The following GALNT13 variants were observed in gnomAD, a reference collection of about 807,000 sequenced individuals.
The protein encoded by GALNT13 is UDP-GalNAc:polypeptide N-acetylgalactosaminyltransferase 13.
In GALNT13, 28 loss-of-function variants were observed where a neutral mutation model predicts 64.2. The ratio of observed to expected loss-of-function variants is 0.44; its 90% CI spans 0.32 to 0.60. GALNT13 has a LOEUF of 0.60. GALNT13 is among the 20% of genes least tolerant of loss of function. The pLI is 0.05. For missense variants in GALNT13, 577 were observed against 669.8 expected, an observed-to-expected ratio of 0.86 and a Z score of 1.53; for synonymous variants, 214 against 224.6, an observed-to-expected ratio of 0.95 and a Z score of 0.42.
the GALNT13 span, among the ~76,000 whole-genome samples, chr2:153,628,963 A>ATCTG: frequency 6.6e-6 from 1 of 152,070 alleles, no homozygotes; most frequent in Non-Finnish European, 1.5e-5. Context: ...TCAGCTGTGA[A>ATCTG]TCTGTCTGGT....
chr2:153,890,819 G>C (rs917467346), intron 1 of GALNT13, among the ~76,000 whole-genome samples: 1 of 151,996 alleles, frequency 6.6e-6, no homozygotes, highest in Admixed American at 6.6e-5. Flanking sequence ...GTTTAGAGCT[G>C]TTAAACCTGA....
the GALNT13 span, among the ~76,000 whole-genome samples, chr2:153,176,624 CTCTG>C: frequency 4.0e-5 from 6 of 151,698 alleles, no homozygotes; most frequent in African/African-American, 7.3e-5. Flanking sequence ...AATATCTTCT[CTCTG>C]TCTAATTATC....
chr2:153,581,545 G>T, the GALNT13 span, among the ~76,000 whole-genome samples: 4 of 152,100 alleles, frequency 2.6e-5, no homozygotes, highest in African/African-American at 9.6e-5. Flanking sequence ...CTATGTGTGT[G>T]TATATATGTG....
intron 3 of GALNT13, among the ~76,000 whole-genome samples, chr2:154,033,711 G>A (rs186147022): frequency 1.2e-3 from 181 of 152,148 alleles, no homozygotes; most frequent in African/African-American, 4.1e-3. Context: ...ATGCTGAGGC[G>A]GTTGGATCAT....
At chr2:153,129,223 G>T in the GALNT13 span, among the ~76,000 whole-genome samples, 7 of 152,080 alleles carry the variant, frequency 4.6e-5, no homozygotes, top group South Asian at 4.1e-4. Flanking sequence ...ATGCAATCTG[G>T]TCTTGCTCGA....
At chr2:153,281,546 C>A in the GALNT13 span, among the ~76,000 whole-genome samples, 1 of 152,076 alleles carries the variant, frequency 6.6e-6, no homozygotes, top group Non-Finnish European at 1.5e-5. Flanking sequence ...GTTTAGAATT[C>A]TCTTAAGCTG....
the GALNT13 span, among the ~76,000 whole-genome samples, chr2:153,600,258 T>A: frequency 6.6e-6 from 1 of 152,012 alleles, no homozygotes; most frequent in African/African-American, 2.4e-5. Flanking sequence ...ATTTCTTATT[T>A]CATGCTATCC....
chr2:153,426,078 T>C, the GALNT13 span, among the ~76,000 whole-genome samples: 2 of 151,824 alleles, frequency 1.3e-5, no homozygotes, highest in African/African-American at 4.8e-5. Context: ...TGATTTAATA[T>C]TGATAGTGAG....
At chr2:153,152,756 G>A in the GALNT13 span, among the ~76,000 whole-genome samples, 1 of 152,096 alleles carries the variant, frequency 6.6e-6, no homozygotes, top group Non-Finnish European at 1.5e-5. Flanking sequence ...TTTTATGGCT[G>A]CATAGTATTC....
the GALNT13 span, among the ~76,000 whole-genome samples, chr2:153,706,526 G>A: frequency 6.6e-6 from 1 of 152,288 alleles, no homozygotes; most frequent in South Asian, 2.1e-4. Context: ...CAGTGAAATG[G>A]ACGGAGCAAG....
the GALNT13 span, among the ~76,000 whole-genome samples, chr2:153,246,192 C>T: frequency 8.5e-5 from 13 of 152,126 alleles, 1 homozygote; most frequent in African/African-American, 2.4e-4. Flanking sequence ...CTGAAAATGA[C>T]GGGGAGAATG....
At chr2:153,347,231 T>C in the GALNT13 span, among the ~76,000 whole-genome samples, 3 of 152,094 alleles carry the variant, frequency 2.0e-5, no homozygotes, top group Admixed American at 6.5e-5. Context: ...AAGATAGCAG[T>C]GGTCACAAGG....
chr2:153,497,908 AAAAG>A, the GALNT13 span, among the ~76,000 whole-genome samples: 1 of 152,190 alleles, frequency 6.6e-6, no homozygotes. Context: ...CAGAATTTGG[AAAAG>A]AAAGAGTCAA....
intron 3 of GALNT13, among the ~76,000 whole-genome samples, chr2:154,017,583 G>GGGAA (rs1697096419): frequency 6.6e-6 from 1 of 152,048 alleles, no homozygotes; most frequent in Admixed American, 6.6e-5. Flanking sequence ...CCAAGAATTT[G>GGGAA]GGAAGAATAT....
intron 11 of GALNT13, chr2:154,436,116 G>A (rs952573512): frequency 5.9e-5 from 9 of 151,996 alleles, no homozygotes; most frequent in African/African-American, 1.9e-4. Flanking sequence ...AAATAAGGAA[G>A]CATTATCTAC....
the GALNT13 span, among the ~76,000 whole-genome samples, chr2:153,546,457 T>TA: frequency 6.6e-6 from 1 of 152,208 alleles, no homozygotes; most frequent in East Asian, 1.9e-4. Flanking sequence ...TATGAGCATA[T>TA]ATTGTATTTG....
the GALNT13 span, among the ~76,000 whole-genome samples, chr2:153,774,415 A>T: frequency 1.3e-5 from 2 of 152,166 alleles, no homozygotes; most frequent in South Asian, 2.1e-4. Flanking sequence ...TTATGAAAAA[A>T]GTAGAAGCTA....
chr2:153,822,677 G>C, the GALNT13 span, among the ~76,000 whole-genome samples: 1 of 150,896 alleles, frequency 6.6e-6, no homozygotes, highest in Admixed American at 6.6e-5. Context: ...AACACTGAAT[G>C]GGCAAAAGCT....
intron 11 of GALNT13, among the ~76,000 whole-genome samples, chr2:154,413,823 A>G (rs1415001422): frequency 6.6e-6 from 1 of 152,080 alleles, no homozygotes; most frequent in African/African-American, 2.4e-5. Context: ...TTTTTAATGG[A>G]TAAACTATAA....
Sources: allele counts gnomAD v4.1 joint callset (sites outside exome capture counted in the v4.1 genomes callset), GRCh38; gene constraint gnomAD v4.1.1; transcripts MANE v1.5; gene names NCBI Gene and HGNC (gene_info 2026-07-23, HGNC 2026-07-21).